SIPA1L3: variants seen among roughly 807,000 people sequenced by gnomAD.
The protein encoded by SIPA1L3 is signal induced proliferation associated 1 like 3.
SIPA1L3 carries 59 observed loss-of-function variants against 150.1 expected under a neutral mutation model. The observed-to-expected ratio is 0.39, with a 90% CI of 0.32 to 0.49. The LOEUF (loss-of-function observed/expected upper bound fraction) is 0.49, where lower values mean the gene tolerates loss of function less well. SIPA1L3 is among the 20% of genes least tolerant of loss of function. The pLI, the probability that SIPA1L3 is intolerant of heterozygous loss-of-function variation, is 0.86. For synonymous variants in SIPA1L3, 1,070 were observed against 1,077.6 expected, an observed-to-expected ratio of 0.99 and a Z score of 0.14; for missense variants, 2,211 against 2,489.5, an observed-to-expected ratio of 0.89 and a Z score of 2.38.
Position 38,088,851 on chromosome 19 carries a change from G to A in SIPA1L3, c.1665G>A (p.Glu555=), listed in dbSNP as rs1481732223. 4.3e-6 allele frequency: 7 copies of A among 1,613,588 alleles called. No individual in the cohort carries two copies. In the South Asian group the frequency reaches 6.6e-5, roughly 15 times the overall value. The change falls in exon 4 of 22, where the codon GAG becomes GAA. Residue 555 remains glutamate, a splice_region_variant and synonymous_variant. Transcript: ENST00000222345. ...YQYRIIFRTR[E]LITLRGSILE... is the part of the protein sequence containing the mutation. ...ACAGGATCATCTTCCGGACCCGCGA[G>A]GTAGGTCCCATCACTCTCGTTCTTA...
Position 38,127,363 on chromosome 19 carries a change from TAAAAC to T in SIPA1L3, c.2869-3133_2869-3129del, listed in dbSNP as rs936257378. Among the ~76,000 whole-genome samples, 99 of 152,344 alleles carry T rather than the reference TAAAAC, an allele frequency of 6.5e-4. 2 individuals are homozygous for T. Among genetic ancestry groups the T allele is most frequent in the African/African-American group, 2.2e-3 (91 of 41,582 alleles). On this transcript the variant is annotated intron_variant, in intron 9 of 21. Coordinates refer to ENST00000222345, the MANE Select transcript of SIPA1L3 (RefSeq NM_015073.3). ...ATTTATTTCTAAAAGATACAACTCT[TAAAAC>T]ATAACATAGCCATCATACATAAAAT...
chr19:38,017,830 T>C (rs1008782410), intron 1 of SIPA1L3, among the ~76,000 whole-genome samples: 4 of 152,128 alleles, frequency 2.6e-5, no homozygotes, highest in Non-Finnish European at 4.4e-5. Flanking sequence ...ATGCCTGGCC[T>C]CTCTCTGCTT....
intron 1 of SIPA1L3, among the ~76,000 whole-genome samples, chr19:37,962,180 G>T (rs1599844463): frequency 7.2e-6 from 1 of 138,792 alleles, no homozygotes; most frequent in Non-Finnish European, 1.5e-5. Context: ...GTCTAACTCT[G>T]TTGCCCAGGC....
At chr19:38,206,057 C>G (rs1367703646) in intron 21 of SIPA1L3, 40 bp from the exon 22 acceptor site, 1 of 1,507,138 alleles carries the variant, frequency 6.6e-7, no homozygotes, top group Non-Finnish European at 8.9e-7. Context: ...CAGGAGCGGC[C>G]AAGCCCACCC....
chr19:38,197,077 C>G (rs1972973173), intron 18 of SIPA1L3, among the ~76,000 whole-genome samples: 1 of 152,158 alleles, frequency 6.6e-6, no homozygotes, highest in African/African-American at 2.4e-5. Context: ...AAGGCAGCGC[C>G]TCGCTCGGGT....
At chr19:38,050,354 G>T (rs1324113374) in intron 2 of SIPA1L3, among the ~76,000 whole-genome samples, 1 of 152,110 alleles carries the variant, frequency 6.6e-6, no homozygotes, top group Non-Finnish European at 1.5e-5. Context: ...TACTCAGGAG[G>T]CTGAGGCAGG....
intron 9 of SIPA1L3, among the ~76,000 whole-genome samples, chr19:38,128,477 G>A (rs191573271): frequency 1.3e-5 from 2 of 152,282 alleles, no homozygotes; most frequent in African/African-American, 2.4e-5. Context: ...AGAATGTGAC[G>A]GATTTGAATT....
rs190951042 is a variant in SIPA1L3, at chr19:38,088,535, G to A, written c.1535-186G>A. ...TGTGGCTTGGCAGGTGGTACAGTAAGGTGGGCTTTTGCCTCTTACAGTGTC... is the reference window on the plus strand; with the variant it reads ...TGTGGCTTGGCAGGTGGTACAGTAAAGTGGGCTTTTGCCTCTTACAGTGTC... On this transcript the variant is annotated intron_variant, in intron 3 of 21. Coordinates refer to ENST00000222345, the MANE Select transcript of SIPA1L3 (RefSeq NM_015073.3). 4.6e-4 allele frequency among the ~76,000 whole-genome samples: 70 copies of A among 152,364 alleles called. 1 individual carries two copies. The East Asian group carries it at 6.4e-3, about 14-fold the overall frequency.
chr19:37,975,001 C>T (rs1015874101), intron 1 of SIPA1L3, among the ~76,000 whole-genome samples: 7 of 152,170 alleles, frequency 4.6e-5, no homozygotes, highest in Admixed American at 3.3e-4. Context: ...CATGGTGAAA[C>T]CCCACCTCTA....
chr19:37,911,413 C>G (rs1183428033), intron 1 of SIPA1L3, among the ~76,000 whole-genome samples: 1 of 152,076 alleles, frequency 6.6e-6, no homozygotes, highest in Non-Finnish European at 1.5e-5. Context: ...CTGGCTTATC[C>G]TTTTCAACAG....
rs757545534 is a variant in SIPA1L3, at chr19:38,201,898, C to T, written c.5021C>T (p.Pro1674Leu). ...RAVSLFSLND[P>L]ALSPDIPPAH... ...GTCTCACTCTTCTCTCTGAACGACC[C>T]GGCCCTGAGCCCGGACATCCCGCCT... The change falls in exon 20 of 22, where the codon CCG becomes CTG. Residue 1674 changes from proline (P) to leucine (L), a missense_variant. Physicochemically the swap from Pro to Leu is moderately conservative, Grantham distance 98. Transcript: ENST00000222345. 21 of 1,613,670 alleles carry T rather than the reference C, an allele frequency of 1.3e-5. No individual in the cohort carries two copies. Among genetic ancestry groups the T allele is most frequent in the African/African-American group, 4.0e-5 (3 of 74,922 alleles).
chr19:38,193,504 G>A, intron 17 of SIPA1L3, 33 bp from the exon 18 acceptor site: 2 of 1,432,532 alleles, frequency 1.4e-6, no homozygotes, highest in Non-Finnish European at 1.8e-6. Flanking sequence ...GCCAGTCTGT[G>A]ACCTCCCCCA....
intron 1 of SIPA1L3, among the ~76,000 whole-genome samples, chr19:38,010,256 A>G (rs1968064577): frequency 6.6e-6 from 1 of 152,016 alleles, no homozygotes. Flanking sequence ...AAAATTTTTT[A>G]AATGAGCTGG....
chr19:38,122,714 C>T (rs860623), intron 9 of SIPA1L3, among the ~76,000 whole-genome samples: 39,050 of 151,988 alleles, frequency 0.26, 7,284 homozygotes, highest in African/African-American at 0.53. Flanking sequence ...GCGCTCTCTG[C>T]CCCAGCCATG....
At chr19:38,012,727 CAG>C (rs1157392922) in intron 1 of SIPA1L3, among the ~76,000 whole-genome samples, 1 of 152,010 alleles carries the variant, frequency 6.6e-6, no homozygotes, top group Non-Finnish European at 1.5e-5. Context: ...GTTGCAGCGG[CAG>C]ATGCATCACA....
At chr19:37,968,261 C>T (rs754730048) in intron 1 of SIPA1L3, among the ~76,000 whole-genome samples, 6 of 151,986 alleles carry the variant, frequency 3.9e-5, no homozygotes, top group Admixed American at 6.6e-5. Context: ...TTGTTAGAGA[C>T]GGGGTTTCAC....
intron 15 of SIPA1L3, among the ~76,000 whole-genome samples, chr19:38,165,114 G>T (rs567114910): frequency 6.6e-6 from 1 of 152,332 alleles, no homozygotes; most frequent in East Asian, 1.9e-4. Flanking sequence ...TGGAGGGAAA[G>T]AAACCCCTGG....
chr19:38,091,538 C>G lies in SIPA1L3; in HGVS notation c.1665+2687C>G, dbSNP rs117175474. Among the ~76,000 whole-genome samples, 58 of 152,304 alleles carry G rather than the reference C, an allele frequency of 3.8e-4. No homozygotes were observed. In the East Asian group the frequency reaches 0.011, roughly 29 times the overall value. On this transcript the variant is annotated intron_variant, in intron 4 of 21. Transcript: ENST00000222345. ...TCTCATCACGATTCTAGGGTGAAGA[C>G]CCTGTTGTCCTCATTTACAGATGAC...
chr19:38,136,854 G>A (rs979991334), intron 10 of SIPA1L3, among the ~76,000 whole-genome samples: 3 of 152,246 alleles, frequency 2.0e-5, no homozygotes, highest in African/African-American at 7.2e-5. Flanking sequence ...ATCTTTTCCA[G>A]AGCCCCAAGG....
Sources: allele counts gnomAD v4.1 joint callset (sites outside exome capture counted in the v4.1 genomes callset), GRCh38; gene constraint gnomAD v4.1.1; transcripts MANE v1.5; gene names NCBI Gene and HGNC (gene_info 2026-07-23, HGNC 2026-07-21).